The following SLC44A2 variants were observed in gnomAD, a reference collection of about 807,000 sequenced individuals.
The protein encoded by SLC44A2 is choline transporter-like protein 2.
A neutral mutation model predicts 90.8 loss-of-function variants in SLC44A2; 57 were observed. The ratio of observed to expected loss-of-function variants is 0.63; its 90% CI spans 0.51 to 0.78. The LOEUF is 0.78. Ranked by LOEUF, SLC44A2 falls within the 30% of genes least tolerant of loss-of-function variation. The probability of loss-of-function intolerance (pLI) is 0.00; values close to 1 mark genes in which losing one functional copy is unlikely to be tolerated. For synonymous variants in SLC44A2, 355 were observed against 360.7 expected, an observed-to-expected ratio of 0.98 and a Z score of 0.18; for missense variants, 794 against 919.7, an observed-to-expected ratio of 0.86 and a Z score of 1.77.
Position 10,636,514 on chromosome 19 carries a change from C to T in SLC44A2, c.1425C>T (p.Tyr475=), listed in dbSNP as rs1201418689. Residue 475 remains tyrosine (Y), a synonymous_variant, in exon 15 of 22, where the codon TAC becomes TAT. Coordinates refer to ENST00000335757, the MANE Select transcript of SLC44A2 (RefSeq NM_020428.4). ...QVTLAGAFAS[Y]YWALRKPDDL... ...CGCTGGCCGGGGCCTTTGCCTCCTA[C>T]TACTGGGCCCTGCGCAAGCCGGACG... The T allele has an allele frequency of 6.2e-7, 1 of 1,611,824 alleles. No individual in the cohort carries two copies. Among genetic ancestry groups the T allele is most frequent in the Non-Finnish European group, 8.5e-7 (1 of 1,180,010 alleles).
intron 4 of SLC44A2, among the ~76,000 whole-genome samples, chr19:10,628,509 A>T (rs535705324): frequency 6.6e-6 from 1 of 152,202 alleles, no homozygotes; most frequent in African/African-American, 2.4e-5. Context: ...GTATGATTGT[A>T]CCATTGCACT....
At position 10,635,207 on chromosome 19, in the gene SLC44A2, CCTT is replaced by C. The variant is rs768707304; in HGVS notation, c.1107_1109del (p.Phe369del). The C allele has an allele frequency of 5.6e-6, 9 of 1,613,930 alleles. No homozygotes were observed. Among genetic ancestry groups the C allele is most frequent in the African/African-American group, 2.7e-5 (2 of 74,884 alleles). On this transcript the variant is annotated inframe_deletion, in exon 13 of 22. Coordinates refer to ENST00000335757, the MANE Select transcript of SLC44A2 (RefSeq NM_020428.4). Reference sequence around the variant, plus strand: ...TGCTCCTTGCTCTACCCACTGGTCACCTTCTTCTTGCTGTGCCTCTGCATCGCC... The same window carrying C: ...TGCTCCTTGCTCTACCCACTGGTCACCTTCTTGCTGTGCCTCTGCATCGCC...
chr19:10,629,970 G>A (rs1371652161), intron 4 of SLC44A2, among the ~76,000 whole-genome samples: 1 of 152,086 alleles, frequency 6.6e-6, no homozygotes, highest in African/African-American at 2.4e-5. Flanking sequence ...GGCCAGGCTG[G>A]TCTCGAACTC....
At position 10,628,012 on chromosome 19, in the gene SLC44A2, G is replaced by T. The variant is rs777617501; in HGVS notation, c.245+8G>T. On this transcript the variant is annotated splice_region_variant and intron_variant, in intron 4 of 21. Transcript: ENST00000335757. ...GAAGGGCACAAAAAACGAGTGAGTTGACTCCTTGCGGCCTGGTGGGGCTGG... is the reference window on the plus strand; with the variant it reads ...GAAGGGCACAAAAAACGAGTGAGTTTACTCCTTGCGGCCTGGTGGGGCTGG... 2.2e-5 allele frequency: 36 copies of T among 1,610,314 alleles called. No individual in the cohort carries two copies. Among genetic ancestry groups the T allele is most frequent in the Non-Finnish European group, 3.0e-5 (35 of 1,178,088 alleles).
chr19:10,637,587 C>G, intron 16 of SLC44A2, 57 bp from the exon 17 acceptor site: 1 of 1,457,214 alleles, frequency 6.9e-7, no homozygotes, highest in Non-Finnish European at 9.6e-7. Context: ...AAGAGGGGAT[C>G]CCTTCCAAGT....
chr19:10,610,668 T>C lies in SLC44A2; in HGVS notation c.31+8107T>C, dbSNP rs1379816786. 3.3e-5 allele frequency among the ~76,000 whole-genome samples: 3 copies of C among 91,264 alleles called. No homozygotes were observed. In the East Asian group the frequency reaches 1.1e-3, roughly 35 times the overall value. The allele number at this position is 91,264 out of a possible 152,430, so 59.9% of individuals were successfully genotyped here. On this transcript the variant is annotated intron_variant, in intron 1 of 21. Coordinates refer to the SLC44A2 transcript ENST00000407327. ...TTTTTTTTTTTTTTGAGATGGAGTT[T>C]CACTCTTGTTGCCCAGGCTGGAGTG...
chr19:10,608,501 T>C (rs993088848), intron 1 of SLC44A2, among the ~76,000 whole-genome samples: 10 of 152,118 alleles, frequency 6.6e-5, no homozygotes, highest in African/African-American at 2.4e-4. Context: ...AGATCCTAAA[T>C]ATATGAGGCT....
At chr19:10,624,897 G>A (rs1376113438), upstream of SLC44A2, among the ~76,000 whole-genome samples, 2 of 152,166 alleles carry the variant, frequency 1.3e-5, no homozygotes, top group African/African-American at 4.8e-5. Context: ...CACTTTGGGG[G>A]GCCACGGTGG....
At chr19:10,635,711 C>T in intron 14 of SLC44A2, 196 bp downstream of exon 14, 1 of 539,840 alleles carries the variant, frequency 1.9e-6, no homozygotes, top group South Asian at 2.4e-5. Flanking sequence ...AAGCTGGCTT[C>T]CTCTCTTCAA....
intron 1 of SLC44A2, 148 bp downstream of exon 1, chr19:10,625,818 C>G: frequency 1.4e-6 from 1 of 692,962 alleles, no homozygotes; most frequent in Non-Finnish European, 2.0e-6. Context: ...TCAGCCAGGC[C>G]CCTTCACCCC....
intron 10 of SLC44A2, among the ~76,000 whole-genome samples, chr19:10,633,741 G>A (rs954660082): frequency 5.3e-5 from 8 of 152,350 alleles, no homozygotes; most frequent in Middle Eastern, 3.4e-3. Context: ...ACAGGCGCAA[G>A]CCACTGTGCC....
chr19:10,619,754 G>T (rs1033790805), intron 1 of SLC44A2, among the ~76,000 whole-genome samples: 5 of 152,078 alleles, frequency 3.3e-5, no homozygotes, highest in Non-Finnish European at 5.9e-5. Flanking sequence ...AGGAGTTCGC[G>T]ACTAGCCTGG....
Position 10,643,455 on chromosome 19 carries a change from C to A in SLC44A2, c.*70C>A. 1 of 1,537,146 alleles carries A rather than the reference C, an allele frequency of 6.5e-7. No homozygotes were observed. The highest frequency in any genetic ancestry group is 8.8e-7 in the Non-Finnish European group (1 of 1,137,584). Reference sequence around the variant, plus strand: ...TGCTCAGTAGCTGGGTCTGTTCCCCCAGCCCCTTGGGCTCACCTGAAGTCC... The same window carrying A: ...TGCTCAGTAGCTGGGTCTGTTCCCCAAGCCCCTTGGGCTCACCTGAAGTCC... On this transcript the variant is annotated 3_prime_UTR_variant, in exon 22 of 22. Coordinates refer to ENST00000335757, the MANE Select transcript of SLC44A2 (RefSeq NM_020428.4).
upstream of SLC44A2, chr19:10,625,506 C>G: frequency 8.2e-7 from 1 of 1,223,698 alleles, no homozygotes; most frequent in Non-Finnish European, 1.0e-6. Context: ...GTTTGGGCCG[C>G]CCCGCCTGGC....
intron 1 of SLC44A2, among the ~76,000 whole-genome samples, chr19:10,619,447 GT>G (rs929005868): frequency 0.073 from 9,641 of 132,396 alleles, 455 homozygotes; most frequent in African/African-American, 0.13. Flanking sequence ...AAAAAAAAGT[GT>G]TTTTTTTTTT....
rs776404174 is a variant in SLC44A2, at chr19:10,636,407, C to T, written c.1318C>T (p.Arg440Trp). The change falls in exon 15 of 22, where the codon CGG becomes TGG. Residue 440 changes from arginine to tryptophan, a missense_variant. By Grantham distance (101) the Arg-to-Trp change is moderately radical. Around this residue, in one of 3 missense-constraint regions of SLC44A2, gnomAD observed 738 missense variants for 841.1 expected, o/e 0.88. Transcript: ENST00000335757. ...AFYGGESGYH[R>W]ALLGLQIFNA... ...CTACGGTGGTGAGTCGGGCTACCACCGGGCCCTGCTGGGCCTGCAGATCTT... is the reference window on the plus strand; with the variant it reads ...CTACGGTGGTGAGTCGGGCTACCACTGGGCCCTGCTGGGCCTGCAGATCTT... The T allele has an allele frequency of 9.3e-6, 15 of 1,613,950 alleles. No individual in the cohort carries two copies. The highest frequency in any genetic ancestry group is 6.7e-5 in the East Asian group (3 of 44,882).
intron 21 of SLC44A2, chr19:10,642,876 C>T (rs572057896): frequency 1.2e-5 from 19 of 1,568,132 alleles, no homozygotes; most frequent in African/African-American, 1.3e-5. Context: ...TTCCCCCTGC[C>T]GGTTCCCGGG....
intron 1 of SLC44A2, among the ~76,000 whole-genome samples, chr19:10,607,915 C>T (rs12985008): frequency 0.23 from 33,974 of 150,562 alleles, 4,387 homozygotes; most frequent in Non-Finnish European, 0.3. Context: ...CTGCCACTGC[C>T]CCCGGCTAAT....
Position 10,643,281 on chromosome 19 carries a change from GA to G in SLC44A2, c.2018del (p.Glu673GlyfsTer24), listed in dbSNP as rs1233845451. ...CVDTLFLCFL[E>X]DLERNDGSAE... ...TGCTCTGGGACCTCTCTCCACAGTG[GA>G]GGACCTGGAGAGGAATGACGGCTCG... On this transcript the variant is annotated frameshift_variant, in exon 22 of 22. Transcript: ENST00000335757. LOFTEE classifies it high-confidence loss of function. The G allele has an allele frequency of 6.2e-7, 1 of 1,610,304 alleles. No homozygotes were observed. The highest frequency in any genetic ancestry group is 8.5e-7 in the Non-Finnish European group (1 of 1,178,016).
Sources: gnomAD v4.1 joint callset for allele counts (sites outside exome capture counted in the v4.1 genomes callset) on GRCh38, gnomAD v4.1.1 for gene constraint, gnomAD v4.1.1 regional missense constraint, MANE v1.5 for transcripts, NCBI Gene and HGNC (gene_info 2026-07-23, HGNC 2026-07-21) for gene names.